The following IBTK variants were observed in gnomAD, a reference collection of about 807,000 sequenced individuals.
IBTK encodes the protein inhibitor of Bruton tyrosine kinase, also known as BTK-binding protein.
Under a neutral mutation model 154.9 loss-of-function variants are expected in IBTK, and 83 were observed. The observed-to-expected ratio is 0.54, with a 90% CI of 0.45 to 0.64. IBTK has a LOEUF of 0.64. Among genes scored for constraint, IBTK ranks in the 30% least tolerant of loss-of-function variants. IBTK has a pLI of 0.00. For missense variants in IBTK, 1,332 were observed against 1,584.6 expected (o/e 0.84, Z 2.71); for synonymous variants, 515 against 536.1 (o/e 0.96, Z 0.54).
At chr6:82,191,529 A>C (rs1191215952) in intron 24 of IBTK, 2 of 575,964 alleles carry the variant, frequency 3.5e-6, no homozygotes, top group Non-Finnish European at 6.1e-6. Context: ...TTTGTAGCCA[A>C]TAGTCCACAA....
rs183874596 is a variant in IBTK, at chr6:82,199,012, A to G, written c.3025+1129T>C. On this transcript the variant is annotated intron_variant, in intron 21 of 28. Transcript: ENST00000306270. ...ACTAGTTTTTTTGTTAATGTTAAAA[A>G]AAAAAGACTATAAAAACATTTGTCA... Among the ~76,000 whole-genome samples, 59 of 152,280 alleles carry G rather than the reference A, an allele frequency of 3.9e-4. No homozygotes were observed. The East Asian group carries it at 0.011, about 28-fold the overall frequency.
intron 21 of IBTK, 78 bp downstream of exon 21, chr6:82,200,063 A>G: frequency 1.1e-6 from 1 of 898,612 alleles, no homozygotes; most frequent in Admixed American, 2.2e-5. Flanking sequence ...TGTTTATTTC[A>G]GTAGCCCCAG....
At chr6:82,213,698 G>C (rs1769742884) in intron 12 of IBTK, among the ~76,000 whole-genome samples, 1 of 152,096 alleles carries the variant, frequency 6.6e-6, no homozygotes, top group Non-Finnish European at 1.5e-5. Context: ...TGCCACTCCA[G>C]ATCCCTGTTA....
At chr6:82,245,371 C>A (rs1771104229) in intron 1 of IBTK, among the ~76,000 whole-genome samples, 1 of 151,868 alleles carries the variant, frequency 6.6e-6, no homozygotes, top group South Asian at 2.1e-4. Flanking sequence ...TCAGCCTGGG[C>A]AACATGGTGA....
chr6:82,211,519 C>T lies in IBTK; in HGVS notation c.2345G>A (p.Cys782Tyr). 6.2e-7 allele frequency: 1 copy of T among 1,613,694 alleles called. No individual in the cohort carries two copies. The highest frequency in any genetic ancestry group is 8.5e-7 in the Non-Finnish European group (1 of 1,179,720). The change falls in exon 14 of 29, where the codon TGT becomes TAT. Residue 782 changes from cysteine to tyrosine, a missense_variant. Physicochemically the swap from Cys to Tyr is radical, Grantham distance 194. This residue lies in a region of IBTK where 1,134 missense variants were observed against 1,274.7 expected (regional missense o/e 0.89). Coordinates refer to ENST00000306270, the MANE Select transcript of IBTK (RefSeq NM_015525.4). ...MKSVDGKEFP[C>Y]HKCVLCARLE... ...TCTAGCACAAAGAACACATTTATGA[C>T]AAGGAAATTCCTTTCCATCCACTGA...
At chr6:82,184,681 C>T (rs1176026565) in intron 25 of IBTK, among the ~76,000 whole-genome samples, 2 of 152,216 alleles carry the variant, frequency 1.3e-5, no homozygotes, top group African/African-American at 4.8e-5. Context: ...GGGAATTCTA[C>T]AGACTAGGTG....
At chr6:82,176,241 C>T (rs1255382109) in intron 26 of IBTK, among the ~76,000 whole-genome samples, 1 of 151,486 alleles carries the variant, frequency 6.6e-6, no homozygotes, top group African/African-American at 2.4e-5. Flanking sequence ...AACACAAGCT[C>T]AGCTGGGCAC....
intron 26 of IBTK, among the ~76,000 whole-genome samples, chr6:82,180,696 A>G (rs939420862): frequency 3.9e-5 from 6 of 152,220 alleles, no homozygotes; most frequent in African/African-American, 1.4e-4. Flanking sequence ...AAGTATCTGT[A>G]AAAAAGAAGA....
chr6:82,207,085 A>C (rs554491942), intron 16 of IBTK, among the ~76,000 whole-genome samples: 1 of 152,280 alleles, frequency 6.6e-6, no homozygotes, highest in African/African-American at 2.4e-5. Context: ...TCATCTAATC[A>C]GGGCAATTAA....
intron 17 of IBTK, among the ~76,000 whole-genome samples, chr6:82,203,015 T>C (rs1344567221): frequency 5.3e-5 from 8 of 152,110 alleles, no homozygotes; most frequent in South Asian, 2.1e-4. Context: ...TCCATTTACA[T>C]AGCAGTTATT....
intron 1 of IBTK, among the ~76,000 whole-genome samples, chr6:82,243,819 AAC>A (rs1448681213): frequency 1.3e-5 from 2 of 152,222 alleles, no homozygotes; most frequent in Non-Finnish European, 2.9e-5. Context: ...GAATCACTCA[AAC>A]CTTACATTAA....
In IBTK at chr6:82,196,368, G is replaced by A. The variant is rs377724789; in HGVS notation, c.3104C>T (p.Ala1035Val). 4.3e-6 allele frequency: 7 copies of A among 1,612,414 alleles called. No individual in the cohort carries two copies. Among genetic ancestry groups the A allele is most frequent in the Non-Finnish European group, 5.9e-6 (7 of 1,178,916 alleles). Reference protein sequence around the residue: ...LLTSDSEGSYAGVGSPRDLQS... With the variant: ...LLTSDSEGSYVGVGSPRDLQS... ...TAAATCTCTAGGACTACCCACTCCT[G>A]CATAGCTTCCTTCAGAGTCTGATGT... is the stretch of plus-strand genomic sequence containing the variant. Residue 1035 changes from alanine to valine, a missense_variant, in exon 22 of 29, where the codon GCA becomes GTA. Around this residue, in one of 3 missense-constraint regions of IBTK, gnomAD observed 1,134 missense variants for 1,274.7 expected, o/e 0.89. Transcript: ENST00000306270.
chr6:82,175,101 T>C, intron 26 of IBTK: 4 of 410,502 alleles, frequency 9.7e-6, no homozygotes, highest in South Asian at 3.6e-5. Flanking sequence ...CTGTGTTTCA[T>C]TCATCTTTGT....
chr6:82,222,768 T>C (rs1038886136), intron 8 of IBTK, among the ~76,000 whole-genome samples: 1 of 152,008 alleles, frequency 6.6e-6, no homozygotes. Context: ...CCACCCATAC[T>C]TAAAACTTTA....
intron 13 of IBTK, 145 bp downstream of exon 13, chr6:82,212,562 C>G: frequency 1.6e-6 from 1 of 639,586 alleles, no homozygotes; most frequent in Non-Finnish European, 2.8e-6. Flanking sequence ...AGCTCCCCAA[C>G]ATTTCCAGAA....
chr6:82,189,785 T>C (rs1768694583), intron 25 of IBTK, among the ~76,000 whole-genome samples: 2 of 152,252 alleles, frequency 1.3e-5, no homozygotes, highest in African/African-American at 4.8e-5. Flanking sequence ...TACAGCTATA[T>C]TACCAAGTCC....
chr6:82,201,796 C>T (rs545990058), intron 18 of IBTK, among the ~76,000 whole-genome samples: 44 of 151,790 alleles, frequency 2.9e-4, no homozygotes, highest in African/African-American at 1.0e-3. Flanking sequence ...AATCTCAGCT[C>T]ACTGCAACTG....
intron 1 of IBTK, among the ~76,000 whole-genome samples, chr6:82,241,283 G>A (rs552729639): frequency 1.3e-4 from 20 of 151,772 alleles, no homozygotes; most frequent in South Asian, 2.1e-4. Context: ...CTATGAATAC[G>A]CTTAAATCTA....
At chr6:82,224,640 C>T (rs1267564315) in intron 6 of IBTK, among the ~76,000 whole-genome samples, 1 of 152,154 alleles carries the variant, frequency 6.6e-6, no homozygotes, top group Non-Finnish European at 1.5e-5. Context: ...CTGGAGATGG[C>T]TGTGCACATG....
Sources: gnomAD v4.1 joint callset for allele counts (sites outside exome capture counted in the v4.1 genomes callset) on GRCh38, gnomAD v4.1.1 for gene constraint, gnomAD v4.1.1 regional missense constraint, MANE v1.5 for transcripts, NCBI Gene and HGNC (gene_info 2026-07-23, HGNC 2026-07-21) for gene names.